Variants in NAV2 observed in about 807,000 individuals in gnomAD.
NAV2 encodes the protein helicase, APC down-regulated 1.
NAV2 carries 54 observed loss-of-function variants against 223.2 expected under a neutral mutation model. The ratio of observed to expected loss-of-function variants is 0.24; its 90% CI spans 0.19 to 0.30. The LOEUF is 0.30. NAV2 is among the 10% of genes least tolerant of loss of function. NAV2 has a pLI of 1.00. For missense variants in NAV2, 2,806 were observed against 3,147.5 expected (o/e 0.89, Z 2.60); for synonymous variants, 1,279 against 1,239.3 (o/e 1.03, Z -0.67).
chr11:20,077,719 G>T, intron 23 of NAV2, 84 bp downstream of exon 23: 1 of 1,112,390 alleles, frequency 9.0e-7, no homozygotes, highest in South Asian at 1.3e-5. Context: ...TCAGATCATT[G>T]TGTGGATGTT....
intron 1 of NAV2, among the ~76,000 whole-genome samples, chr11:19,507,475 G>A (rs541865975): frequency 1.2e-4 from 19 of 152,270 alleles, no homozygotes; most frequent in Non-Finnish European, 2.8e-4. Flanking sequence ...TGGCTAATTT[G>A]GTATAGAAAT....
At chr11:19,368,800 T>C (rs887754056) in intron 1 of NAV2, among the ~76,000 whole-genome samples, 6 of 152,214 alleles carry the variant, frequency 3.9e-5, no homozygotes, top group Non-Finnish European at 8.8e-5. Context: ...ATTTTTCAGA[T>C]AAATTTTTCA....
At chr11:19,877,472 T>TTTTTTTTTTTTTTTTTTTTCTTTTC (rs2062918261) in intron 4 of NAV2, among the ~76,000 whole-genome samples, 26 of 117,786 alleles carry the variant, frequency 2.2e-4, no homozygotes, top group African/African-American at 5.1e-4. Flanking sequence ...TCTTCATTCT[T>TTTTTTTTTTTTTTTTTTTTCTTTTC]TTTTTTTTTT....
At chr11:19,918,434 A>G (rs2043989770) in intron 6 of NAV2, among the ~76,000 whole-genome samples, 1 of 152,206 alleles carries the variant, frequency 6.6e-6, no homozygotes, top group Non-Finnish European at 1.5e-5. Context: ...GTTTTTTTCC[A>G]TCATGGACTG....
chr11:19,716,150 G>T (rs1033884378), intron 1 of NAV2, among the ~76,000 whole-genome samples: 1 of 152,120 alleles, frequency 6.6e-6, no homozygotes, highest in African/African-American at 2.4e-5. Context: ...TATATTATTA[G>T]AAGATACTCA....
At chr11:19,823,456 C>T (rs1318568603) in intron 1 of NAV2, among the ~76,000 whole-genome samples, 9 of 152,170 alleles carry the variant, frequency 5.9e-5, no homozygotes, top group Admixed American at 2.6e-4. Context: ...GATCTGCCTA[C>T]CTTGGCCTCC....
intron 11 of NAV2, among the ~76,000 whole-genome samples, chr11:20,002,614 G>A (rs1044972134): frequency 4.6e-5 from 7 of 152,122 alleles, no homozygotes; most frequent in East Asian, 3.9e-4. Flanking sequence ...CAGAATGTGC[G>A]GGAGGGATGG....
At chr11:19,538,726 T>G (rs2044257156) in intron 1 of NAV2, among the ~76,000 whole-genome samples, 1 of 152,116 alleles carries the variant, frequency 6.6e-6, no homozygotes. Flanking sequence ...GTTTTATTTA[T>G]GTATCTTTTT....
At chr11:19,467,012 C>CACACACACACACACAG (rs1564960015) in intron 1 of NAV2, among the ~76,000 whole-genome samples, 31 of 134,444 alleles carry the variant, frequency 2.3e-4, no homozygotes, top group African/African-American at 7.0e-4. Flanking sequence ...CACACACACA[C>CACACACACACACACAG]ACACACAGAG....
chr11:19,431,501 G>T (rs1851035195), intron 1 of NAV2, among the ~76,000 whole-genome samples: 1 of 152,140 alleles, frequency 6.6e-6, no homozygotes, highest in Non-Finnish European at 1.5e-5. Context: ...AGAAAATATT[G>T]TTCCAAGAAA....
chr11:19,639,376 TG>T (rs1292487021), intron 1 of NAV2, among the ~76,000 whole-genome samples: 1 of 152,208 alleles, frequency 6.6e-6, no homozygotes, highest in Admixed American at 6.5e-5. Context: ...TAGCCCCATG[TG>T]GGGGCCCCTG....
chr11:19,972,645 AT>A lies in NAV2; in HGVS notation c.2646-11478del, dbSNP rs553093647. On this transcript the variant is annotated intron_variant, in intron 10 of 37. Coordinates refer to ENST00000349880, the MANE Select transcript of NAV2 (RefSeq NM_145117.5). ...CCTGATCTCCCTCCCCCAAGCCAAT[AT>A]TGCCTGGCAGACACCTTCAAGATGC... Among the ~76,000 whole-genome samples the A allele has an allele frequency of 1.5e-3, 231 of 152,226 alleles. 4 individuals carry two copies. Among genetic ancestry groups the A allele is most frequent in the Admixed American group, 0.015 (229 of 15,292 alleles).
chr11:19,958,274 T>G (rs2048055182), intron 10 of NAV2, among the ~76,000 whole-genome samples: 1 of 152,030 alleles, frequency 6.6e-6, no homozygotes, highest in Non-Finnish European at 1.5e-5. Flanking sequence ...GTGTAAAAAG[T>G]GTTTATTGAG....
intron 19 of NAV2, among the ~76,000 whole-genome samples, chr11:20,058,125 G>A (rs370946282): frequency 2.1e-4 from 32 of 152,200 alleles, no homozygotes; most frequent in East Asian, 9.7e-4. Flanking sequence ...AATTCCTTTC[G>A]TTGAAATTCC....
intron 19 of NAV2, among the ~76,000 whole-genome samples, chr11:20,057,799 C>T (rs1228811347): frequency 6.6e-6 from 1 of 152,168 alleles, no homozygotes; most frequent in African/African-American, 2.4e-5. Flanking sequence ...CATCAGATAG[C>T]TTTTATTTAT....
At chr11:19,946,543 C>T in intron 9 of NAV2, 34 bp downstream of exon 9, 1 of 1,556,000 alleles carries the variant, frequency 6.4e-7, no homozygotes, top group Non-Finnish European at 8.8e-7. Flanking sequence ...ACTGAACTAC[C>T]TGGTATCCTA....
At chr11:20,089,150 A>G (rs1398743488) in intron 26 of NAV2, among the ~76,000 whole-genome samples, 1 of 152,246 alleles carries the variant, frequency 6.6e-6, no homozygotes, top group Non-Finnish European at 1.5e-5. Context: ...TATTGGCTTC[A>G]GTCTCTCAAA....
intron 1 of NAV2, among the ~76,000 whole-genome samples, chr11:19,445,156 T>G (rs1224690405): frequency 6.6e-6 from 1 of 152,190 alleles, no homozygotes; most frequent in Non-Finnish European, 1.5e-5. Context: ...GAGAACATGG[T>G]GCACAGGTGC....
chr11:20,108,856 C>T (rs78206991), intron 36 of NAV2, among the ~76,000 whole-genome samples: 1 of 152,208 alleles, frequency 6.6e-6, no homozygotes, highest in Non-Finnish European at 1.5e-5. Context: ...TGGAGGCAGC[C>T]TAAGAAGTTC....
Sources: allele counts gnomAD v4.1 joint callset (sites outside exome capture counted in the v4.1 genomes callset), GRCh38; gene constraint gnomAD v4.1.1; transcripts MANE v1.5; gene names NCBI Gene and HGNC (gene_info 2026-07-23, HGNC 2026-07-21).